Variants in ZNRF2 observed in about 807,000 individuals in gnomAD.
The protein encoded by ZNRF2 is E3 ubiquitin-protein ligase ZNRF2.
ZNRF2 carries 16 observed loss-of-function variants against 20.4 expected under a neutral mutation model. That is an observed-to-expected ratio of 0.79 (90% CI 0.53 to 1.19). The LOEUF (loss-of-function observed/expected upper bound fraction) is 1.19, where lower values mean the gene tolerates loss of function less well. Ranked by LOEUF, ZNRF2 falls within the 50% of genes most tolerant of loss-of-function variation. The pLI is 0.00. For missense variants in ZNRF2, 363 were observed against 332.4 expected (o/e 1.09, Z -0.72); for synonymous variants, 178 against 144.9 (o/e 1.23, Z -1.64).
intron 2 of ZNRF2, among the ~76,000 whole-genome samples, chr7:30,348,523 T>TG (rs1799912796): frequency 6.6e-6 from 1 of 152,200 alleles, no homozygotes; most frequent in Non-Finnish European, 1.5e-5. Context: ...TTTATTTTGC[T>TG]TACACAGCAT....
chr7:30,300,864 C>T (rs1583569614), intron 1 of ZNRF2, among the ~76,000 whole-genome samples: 3 of 152,268 alleles, frequency 2.0e-5, no homozygotes, highest in East Asian at 3.9e-4. Flanking sequence ...AGTTTTCTTT[C>T]TGCTTATATG....
At chr7:30,351,691 T>A (rs1446079690) in intron 2 of ZNRF2, among the ~76,000 whole-genome samples, 1 of 152,070 alleles carries the variant, frequency 6.6e-6, no homozygotes, top group Non-Finnish European at 1.5e-5. Context: ...GTTTAGTAAC[T>A]TCTGGTAAGT....
chr7:30,303,948 C>T (rs1438327854), intron 1 of ZNRF2, among the ~76,000 whole-genome samples: 1 of 152,102 alleles, frequency 6.6e-6, no homozygotes, highest in Non-Finnish European at 1.5e-5. Context: ...TTTGTGGTTC[C>T]AGATTCTCAT....
chr7:30,309,178 G>A (rs868595195), intron 1 of ZNRF2, among the ~76,000 whole-genome samples: 66 of 152,118 alleles, frequency 4.3e-4, no homozygotes, highest in African/African-American at 1.4e-3. Flanking sequence ...TAAAATAATG[G>A]CAAAGCAGAG....
intron 3 of ZNRF2, among the ~76,000 whole-genome samples, chr7:30,362,174 T>A (rs1333364195): frequency 6.6e-6 from 1 of 152,196 alleles, no homozygotes; most frequent in Non-Finnish European, 1.5e-5. Context: ...TATAGCATAA[T>A]TTTGCAAAGG....
intron 2 of ZNRF2, among the ~76,000 whole-genome samples, chr7:30,339,287 C>A (rs1466382321): frequency 6.6e-6 from 1 of 152,144 alleles, no homozygotes; most frequent in Non-Finnish European, 1.5e-5. Flanking sequence ...TCCCATTTGT[C>A]AATTTTGGCT....
At chr7:30,305,076 G>A (rs1025747865) in intron 1 of ZNRF2, among the ~76,000 whole-genome samples, 2 of 152,110 alleles carry the variant, frequency 1.3e-5, no homozygotes, top group Non-Finnish European at 2.9e-5. Flanking sequence ...TATCTGTGTG[G>A]TGGAAATTCT....
chr7:30,358,615 T>G (rs554039121), intron 3 of ZNRF2, among the ~76,000 whole-genome samples: 1 of 152,332 alleles, frequency 6.6e-6, no homozygotes, highest in African/African-American at 2.4e-5. Flanking sequence ...AAGACACTCA[T>G]GAAGAAGAAC....
At chr7:30,344,261 C>T (rs1438055508) in intron 2 of ZNRF2, among the ~76,000 whole-genome samples, 2 of 150,552 alleles carry the variant, frequency 1.3e-5, no homozygotes, top group Admixed American at 1.3e-4. Context: ...TTAGAAATAA[C>T]TGTGTTGTTT....
intron 2 of ZNRF2, 108 bp downstream of exon 2, chr7:30,323,845 A>G (rs918819000): frequency 1.2e-5 from 9 of 728,234 alleles, no homozygotes; most frequent in African/African-American, 7.4e-5. Flanking sequence ...TGTTTTCTCT[A>G]TTTTTACTAG....
intron 1 of ZNRF2, among the ~76,000 whole-genome samples, chr7:30,292,517 A>G (rs189935095): frequency 6.6e-6 from 1 of 152,292 alleles, no homozygotes; most frequent in East Asian, 1.9e-4. Flanking sequence ...ACAGACAAGT[A>G]AAATACATAG....
chr7:30,306,360 C>G (rs562714411), intron 1 of ZNRF2, among the ~76,000 whole-genome samples: 1 of 151,632 alleles, frequency 6.6e-6, no homozygotes, highest in South Asian at 2.1e-4. Flanking sequence ...CTGCAAGTTG[C>G]CTTAAATGGT....
intron 1 of ZNRF2, among the ~76,000 whole-genome samples, chr7:30,316,288 C>CAAAAAAAAAAAAAAAAA (rs60218988): frequency 1.8e-4 from 5 of 27,500 alleles, no homozygotes; most frequent in African/African-American, 3.7e-4. Context: ...AACTCCATCT[C>CAAAAAAAAAAAAAAAAA]AAAAAAAAAA....
chr7:30,301,318 A>T (rs944384314), intron 1 of ZNRF2, among the ~76,000 whole-genome samples: 1 of 152,104 alleles, frequency 6.6e-6, no homozygotes, highest in African/African-American at 2.4e-5. Context: ...CCCCTTCTCT[A>T]CTAAAATTAT....
chr7:30,317,126 C>T (rs2128061662), intron 1 of ZNRF2, among the ~76,000 whole-genome samples: 1 of 152,290 alleles, frequency 6.6e-6, no homozygotes, highest in South Asian at 2.1e-4. Flanking sequence ...ATTTCCTAAT[C>T]TGCCTTTAAT....
At chr7:30,307,828 A>C (rs1799234035) in intron 1 of ZNRF2, among the ~76,000 whole-genome samples, 1 of 152,214 alleles carries the variant, frequency 6.6e-6, no homozygotes, top group African/African-American at 2.4e-5. Context: ...GGCCAGATTT[A>C]GTGTGTTAAA....
chr7:30,289,302 A>AC (rs1278393047), intron 1 of ZNRF2, among the ~76,000 whole-genome samples: 1 of 152,170 alleles, frequency 6.6e-6, no homozygotes, highest in Non-Finnish European at 1.5e-5. Context: ...TAAGACCTGT[A>AC]TTTCTAGGAA....
chr7:30,293,790 G>A (rs1027037982), intron 1 of ZNRF2, among the ~76,000 whole-genome samples: 1 of 152,082 alleles, frequency 6.6e-6, no homozygotes, highest in Non-Finnish European at 1.5e-5. Flanking sequence ...TTCATTCAGG[G>A]CTCTTTTTTT....
chr7:30,330,181 C>T (rs1321716788), intron 2 of ZNRF2, among the ~76,000 whole-genome samples: 1 of 152,062 alleles, frequency 6.6e-6, no homozygotes, highest in Non-Finnish European at 1.5e-5. Flanking sequence ...CTTTGTTTTA[C>T]TTGTGGTTGG....
Sources: gnomAD v4.1 joint callset for allele counts (sites outside exome capture counted in the v4.1 genomes callset) on GRCh38, gnomAD v4.1.1 for gene constraint, MANE v1.5 for transcripts, NCBI Gene and HGNC (gene_info 2026-07-23, HGNC 2026-07-21) for gene names.